BICRAL: variants seen among roughly 807,000 people sequenced by gnomAD.
BICRAL encodes BICRA like chromatin remodeling complex associated protein, also known as BRD4-interacting chromatin-remodeling complex-associated protein-like.
A neutral mutation model predicts 91.8 loss-of-function variants in BICRAL; 8 were observed. The observed-to-expected ratio is 0.09, with a 90% confidence interval of 0.05 to 0.16. The LOEUF is 0.16. Ranked by LOEUF, BICRAL falls within the 10% of genes least tolerant of loss-of-function variation. The pLI is 1.00. For missense variants in BICRAL, 1,038 were observed against 1,310.9 expected, an observed-to-expected ratio of 0.79 and a Z score of 3.21; for synonymous variants, 445 against 491.1, an observed-to-expected ratio of 0.91 and a Z score of 1.24.
chr6:42,755,517 T>C (rs1762444306), intron 1 of BICRAL, among the ~76,000 whole-genome samples: 1 of 152,126 alleles, frequency 6.6e-6, no homozygotes, highest in Admixed American at 6.6e-5. Context: ...GGTGGCCAGA[T>C]AGGACCTCCA....
intron 2 of BICRAL, among the ~76,000 whole-genome samples, chr6:42,818,799 C>T (rs143370635): frequency 6.6e-6 from 1 of 152,258 alleles, no homozygotes; most frequent in Non-Finnish European, 1.5e-5. Context: ...TGGTTAACAA[C>T]TTTTCCCCAC....
chr6:42,814,515 ATATATTTTT>A (rs1763927199), intron 2 of BICRAL, among the ~76,000 whole-genome samples: 1 of 92,760 alleles, frequency 1.1e-5, no homozygotes, highest in Non-Finnish European at 2.1e-5. Context: ...ATATATATAT[ATATATTTTT>A]TTTTTTTTTT....
At chr6:42,819,337 G>A (rs1764076838) in intron 2 of BICRAL, among the ~76,000 whole-genome samples, 2 of 152,136 alleles carry the variant, frequency 1.3e-5, no homozygotes, top group Non-Finnish European at 2.9e-5. Context: ...CCAGGCTGGA[G>A]TGCAGTGGCA....
intron 1 of BICRAL, among the ~76,000 whole-genome samples, chr6:42,759,768 C>T (rs1038858154): frequency 1.3e-5 from 2 of 152,180 alleles, no homozygotes; most frequent in African/African-American, 4.8e-5. Flanking sequence ...TTCTGGGAAG[C>T]CTATCTGGGT....
chr6:42,839,032 T>C (rs1173995152), intron 6 of BICRAL, among the ~76,000 whole-genome samples: 1 of 151,790 alleles, frequency 6.6e-6, no homozygotes, highest in Non-Finnish European at 1.5e-5. Flanking sequence ...AAACCCTGTC[T>C]CTACTAAAAA....
chr6:42,814,439 G>A (rs1157126332), intron 2 of BICRAL, among the ~76,000 whole-genome samples: 2 of 133,534 alleles, frequency 1.5e-5, no homozygotes, highest in East Asian at 4.3e-4. Context: ...ACACATACAT[G>A]TATGTATATG....
upstream of BICRAL, among the ~76,000 whole-genome samples, chr6:42,780,352 A>G (rs1219512332): frequency 6.6e-6 from 1 of 152,150 alleles, no homozygotes; most frequent in African/African-American, 2.4e-5. Context: ...AAGGGGATAT[A>G]GAAGCCATAC....
intron 6 of BICRAL, among the ~76,000 whole-genome samples, chr6:42,830,769 G>A (rs1245256629): frequency 6.6e-6 from 1 of 151,966 alleles, no homozygotes; most frequent in Non-Finnish European, 1.5e-5. Flanking sequence ...GCACATACCA[G>A]CACACCTAAC....
intron 6 of BICRAL, among the ~76,000 whole-genome samples, chr6:42,839,974 T>G (rs1479110286): frequency 6.6e-6 from 1 of 152,214 alleles, no homozygotes; most frequent in Non-Finnish European, 1.5e-5. Context: ...ATTTACACTT[T>G]CTTGTAAGTG....
intron 1 of BICRAL, among the ~76,000 whole-genome samples, chr6:42,767,152 CAAAG>C (rs369581887): frequency 7.9e-5 from 12 of 151,428 alleles, no homozygotes; most frequent in Middle Eastern, 3.4e-3. Flanking sequence ...GCCTCTGTCT[CAAAG>C]AAAGAAAGAG....
At chr6:42,850,327 T>C (rs1346355312) in intron 6 of BICRAL, among the ~76,000 whole-genome samples, 2 of 151,782 alleles carry the variant, frequency 1.3e-5, no homozygotes, top group Non-Finnish European at 2.9e-5. Context: ...GGAGACCAGC[T>C]TGGCCAACAC....
intron 6 of BICRAL, among the ~76,000 whole-genome samples, chr6:42,851,238 G>A (rs1455418740): frequency 6.6e-6 from 1 of 151,982 alleles, no homozygotes; most frequent in African/African-American, 2.4e-5. Context: ...ATGTATTATA[G>A]AGGCTGGGCA....
intron 6 of BICRAL, among the ~76,000 whole-genome samples, chr6:42,838,535 G>A (rs1764701799): frequency 6.6e-6 from 1 of 152,206 alleles, no homozygotes. Context: ...GATAGACCAT[G>A]TGACTATTCT....
chr6:42,815,984 C>CAAAAA (rs746928245), intron 2 of BICRAL, among the ~76,000 whole-genome samples: 2 of 39,252 alleles, frequency 5.1e-5, no homozygotes, highest in Non-Finnish European at 5.1e-5. Flanking sequence ...AACTCTGTCT[C>CAAAAA]AAAAAAAAAA....
At chr6:42,796,256 TTGTC>T (rs1255345221) in intron 1 of BICRAL, among the ~76,000 whole-genome samples, 4 of 152,152 alleles carry the variant, frequency 2.6e-5, no homozygotes, top group Admixed American at 6.5e-5. Flanking sequence ...TGTGGGAAGA[TTGTC>T]TGGTAGGTCA....
At position 42,865,606 on chromosome 6, in the gene BICRAL, T is replaced by C. The variant is rs1056536083; in HGVS notation, c.*160T>C. 6.7e-6 allele frequency: 4 copies of C among 600,358 alleles called. No individual in the cohort carries two copies. Among genetic ancestry groups the C allele is most frequent in the Non-Finnish European group, 1.2e-5 (4 of 335,226 alleles). 37.2% of individuals were successfully genotyped at this position (600,358 alleles called of 1,614,324 possible). On this transcript the variant is annotated 3_prime_UTR_variant, in exon 13 of 13. Coordinates refer to ENST00000314073, the MANE Select transcript of BICRAL (RefSeq NM_001393499.1). Reference sequence around the variant, plus strand: ...TTATTCTTTCTAATCTCAATCCTGTTCTTTGTTTAAGAGCAATACTTGTCG... The same window carrying C: ...TTATTCTTTCTAATCTCAATCCTGTCCTTTGTTTAAGAGCAATACTTGTCG...
At chr6:42,800,462 C>A (rs1193888242) in intron 1 of BICRAL, among the ~76,000 whole-genome samples, 2 of 152,176 alleles carry the variant, frequency 1.3e-5, no homozygotes, top group African/African-American at 4.8e-5. Flanking sequence ...CCACGCCCGG[C>A]CTTAAATCAT....
At chr6:42,843,947 C>T (rs1342220366) in intron 6 of BICRAL, among the ~76,000 whole-genome samples, 3 of 149,558 alleles carry the variant, frequency 2.0e-5, no homozygotes, top group Non-Finnish European at 3.0e-5. Context: ...TACAGGTGCG[C>T]GTCACCATGC....
intron 6 of BICRAL, among the ~76,000 whole-genome samples, chr6:42,836,190 G>A (rs1295405028): frequency 6.6e-6 from 1 of 152,070 alleles, no homozygotes; most frequent in East Asian, 1.9e-4. Context: ...TTTTATATAT[G>A]TATGTATTGA....
Sources: gnomAD v4.1 joint callset for allele counts (sites outside exome capture counted in the v4.1 genomes callset) on GRCh38, gnomAD v4.1.1 for gene constraint, MANE v1.5 for transcripts, NCBI Gene and HGNC (gene_info 2026-07-23, HGNC 2026-07-21) for gene names.